SENP8: variants seen among roughly 807,000 people sequenced by gnomAD.
SENP8 encodes sentrin-specific protease 8.
Under a neutral mutation model 14.4 loss-of-function variants are expected in SENP8, and 10 were observed. The ratio of observed to expected loss-of-function variants is 0.69; its 90% confidence interval spans 0.43 to 1.18. The LOEUF (loss-of-function observed/expected upper bound fraction) is 1.18, where lower values mean the gene tolerates loss of function less well. Among genes scored for constraint, SENP8 ranks in the 50% most tolerant of loss-of-function variants. SENP8 has a pLI of 0.00. For synonymous variants in SENP8, 94 were observed against 95.5 expected, an observed-to-expected ratio of 0.98 and a Z score of 0.09; for missense variants, 202 against 249.4, an observed-to-expected ratio of 0.81 and a Z score of 1.28.
chr15:72,127,441 T>G (rs1325749627), intron 1 of SENP8, among the ~76,000 whole-genome samples: 1 of 152,128 alleles, frequency 6.6e-6, no homozygotes, highest in Non-Finnish European at 1.5e-5. Context: ...GCAGAGCTAG[T>G]ACCACCCTCA....
At chr15:72,121,055 AATG>A (rs1331062042) in intron 1 of SENP8, among the ~76,000 whole-genome samples, 1 of 152,212 alleles carries the variant, frequency 6.6e-6, no homozygotes, top group East Asian at 1.9e-4. Context: ...GTTTCAGAAA[AATG>A]ATGAAGCAGT....
chr15:72,134,643 G>T, intron 1 of SENP8: 1 of 200,322 alleles, frequency 5.0e-6, no homozygotes, highest in South Asian at 9.3e-5. Context: ...TTTGCCAAAT[G>T]ACTAACACAA....
chr15:72,120,088 G>A (rs987668260), intron 1 of SENP8, among the ~76,000 whole-genome samples: 3 of 152,190 alleles, frequency 2.0e-5, no homozygotes, highest in Admixed American at 1.3e-4. Flanking sequence ...CAATTTATGA[G>A]ATGCAAAGAC....
At position 72,142,557 on chromosome 15, in the gene SENP8, G is replaced by C. The variant is rs1422127607; in HGVS notation, c.*2295G>C. ...ATCAAACTGAACTAACCTGCTTTCA[G>C]ATATCCTGTTGTATTGCCCGGTAAG... On this transcript the variant is annotated 3_prime_UTR_variant, in exon 2 of 2. Coordinates refer to ENST00000340912, the MANE Select transcript of SENP8 (RefSeq NM_145204.4). 6.6e-6 allele frequency: 1 copy of C among 152,190 alleles called. No homozygotes were observed. The highest frequency in any genetic ancestry group is 1.5e-5 in the Non-Finnish European group (1 of 68,038). The allele number at this position is 152,190 out of a possible 1,614,324, so 9.4% of individuals were successfully genotyped here. A position where few individuals can be genotyped will look rare whatever the true frequency, so the allele number is the denominator to read the frequency against.
rs1344470172 is a variant in SENP8 at position 72,121,309 on chromosome 15, AT to A, written c.-48+2851del. On this transcript the variant is annotated intron_variant, in intron 1 of 1. Transcript: ENST00000340912. ...TGGTAGACAATGGAGGGTTGTTAAA[AT>A]TTTTTGGAGTAGAATAATGTGATTA... Among the ~76,000 whole-genome samples the A allele has an allele frequency of 2.0e-5, 3 of 152,358 alleles. No individual in the cohort carries two copies. The East Asian group carries it at 5.8e-4, about 29-fold the overall frequency.
intron 1 of SENP8, among the ~76,000 whole-genome samples, chr15:72,119,406 C>G (rs1172179668): frequency 6.6e-6 from 1 of 152,208 alleles, no homozygotes; most frequent in African/African-American, 2.4e-5. Flanking sequence ...TTGAGACTCA[C>G]TAAACTAGAG....
intron 1 of SENP8, among the ~76,000 whole-genome samples, chr15:72,136,555 A>C (rs528794434): frequency 6.6e-6 from 1 of 152,274 alleles, no homozygotes; most frequent in South Asian, 2.1e-4. Context: ...TGTCTACATA[A>C]AACCATGTTG....
chr15:72,117,429 T>G (rs2081031109), upstream of SENP8, among the ~76,000 whole-genome samples: 1 of 146,360 alleles, frequency 6.8e-6, no homozygotes, highest in Non-Finnish European at 1.5e-5. Context: ...TCTGCTGGGT[T>G]GGGGGGACCG....
At chr15:72,125,689 T>A (rs1340124949) in intron 1 of SENP8, among the ~76,000 whole-genome samples, 1 of 152,100 alleles carries the variant, frequency 6.6e-6, no homozygotes, top group African/African-American at 2.4e-5. Context: ...TGGGAAAAGA[T>A]CATACGAAAA....
intron 1 of SENP8, among the ~76,000 whole-genome samples, chr15:72,137,963 C>T (rs942412260): frequency 6.6e-6 from 1 of 150,842 alleles, no homozygotes; most frequent in Non-Finnish European, 1.5e-5. Flanking sequence ...CAGTGCGAGA[C>T]TCCATCTCAA....
chr15:72,115,094 A>G (rs2080922690), upstream of SENP8, among the ~76,000 whole-genome samples: 1 of 152,250 alleles, frequency 6.6e-6, no homozygotes. Context: ...ACTGTTAAAA[A>G]TTCATATATT....
At chr15:72,130,363 G>A (rs1255892930) in intron 1 of SENP8, among the ~76,000 whole-genome samples, 1 of 152,032 alleles carries the variant, frequency 6.6e-6, no homozygotes, top group African/African-American at 2.4e-5. Flanking sequence ...TCTCTAAAAG[G>A]CCAAATAGTA....
chr15:72,119,818 C>G (rs1310433386), intron 1 of SENP8, among the ~76,000 whole-genome samples: 1 of 152,128 alleles, frequency 6.6e-6, no homozygotes, highest in African/African-American at 2.4e-5. Flanking sequence ...GAAACTTGAG[C>G]GGCGTTATGT....
At chr15:72,114,555 G>T (rs1052186238), upstream of SENP8, 2 of 152,136 alleles carry the variant, frequency 1.3e-5, no homozygotes, top group Admixed American at 6.5e-5. Context: ...TAGGAAATCG[G>T]GGGGAAGAAA....
chr15:72,139,477 T>C, intron 1 of SENP8, 100 bp from the exon 2 acceptor site: 1 of 1,157,546 alleles, frequency 8.6e-7, no homozygotes, highest in South Asian at 1.5e-5. Context: ...TGTCCAAGGG[T>C]CAACTGTGTA....
At chr15:72,123,666 G>A (rs1310964000) in intron 1 of SENP8, among the ~76,000 whole-genome samples, 3 of 151,534 alleles carry the variant, frequency 2.0e-5, no homozygotes, top group Non-Finnish European at 4.4e-5. Context: ...TCAGCCTCCC[G>A]AGTAGCTAGG....
chr15:72,119,132 C>A (rs1030016898), intron 1 of SENP8, among the ~76,000 whole-genome samples: 2 of 152,082 alleles, frequency 1.3e-5, no homozygotes, highest in African/African-American at 4.8e-5. Flanking sequence ...GAGAATATGG[C>A]CCTCAGGAAT....
At chr15:72,115,802 G>C (rs374750000), upstream of SENP8, among the ~76,000 whole-genome samples, 4 of 152,154 alleles carry the variant, frequency 2.6e-5, no homozygotes, top group East Asian at 7.7e-4. Flanking sequence ...CAACATAAAA[G>C]AATCATCAGG....
At chr15:72,127,173 G>A (rs958471451) in intron 1 of SENP8, among the ~76,000 whole-genome samples, 26 of 152,222 alleles carry the variant, frequency 1.7e-4, no homozygotes, top group Non-Finnish European at 3.5e-4. Context: ...AAGGCCCCTC[G>A]TCGTCTTATT....
Sources: gnomAD v4.1 joint callset for allele counts (sites outside exome capture counted in the v4.1 genomes callset) on GRCh38, gnomAD v4.1.1 for gene constraint, MANE v1.5 for transcripts, NCBI Gene and HGNC (gene_info 2026-07-23, HGNC 2026-07-21) for gene names.